The following PFKFB3 variants were observed in gnomAD, a reference collection of about 807,000 sequenced individuals.
PFKFB3 encodes 6-phosphofructo-2-kinase/fructose-2,6-bisphosphatase 3.
In PFKFB3, 33 loss-of-function variants were observed where a neutral mutation model predicts 68.0. That is an observed-to-expected ratio of 0.49 (90% CI 0.37 to 0.65). The LOEUF (loss-of-function observed/expected upper bound fraction) is 0.65. Ranked by LOEUF, PFKFB3 falls within the 30% of genes least tolerant of loss-of-function variation. PFKFB3 has a pLI of 0.00. For missense variants in PFKFB3, 586 were observed against 712.2 expected (o/e 0.82, Z 2.02); for synonymous variants, 315 against 288.2 (o/e 1.09, Z -0.94).
intron 1 of PFKFB3, among the ~76,000 whole-genome samples, chr10:6,162,382 C>A (rs1408710857): frequency 6.6e-6 from 1 of 152,162 alleles, no homozygotes; most frequent in Non-Finnish European, 1.5e-5. Context: ...GCTTTCAATT[C>A]TTTGGGGTGT....
the PFKFB3 span, among the ~76,000 whole-genome samples, chr10:6,290,417 G>A: frequency 1.3e-4 from 19 of 151,450 alleles, no homozygotes; most frequent in South Asian, 6.2e-4. Context: ...AGCATGAAGC[G>A]TTGTTGAATT....
the PFKFB3 span, among the ~76,000 whole-genome samples, chr10:6,289,168 C>G: frequency 0.59 from 68,353 of 115,412 alleles, 21,926 homozygotes; most frequent in East Asian, 0.73. Flanking sequence ...TGTTCACTCT[C>G]ATGGTAGTTT....
rs74115593 is a variant in PFKFB3, at chr10:6,223,585, G to A, written c.1214-373G>A. Among the ~76,000 whole-genome samples the A allele has an allele frequency of 6.3e-3, 956 of 152,252 alleles. 8 individuals carry two copies. Among genetic ancestry groups the A allele is most frequent in the African/African-American group, 0.022 (919 of 41,558 alleles). ...GGCTTCCGAGGGTCCTTGTTGGGGG[G>A]ACCGTAAAGGTCTTTCCATGCCTCC... is the stretch of plus-strand genomic sequence containing the variant. On this transcript the variant is annotated intron_variant, in intron 11 of 14. Transcript: ENST00000379775.
At position 6,221,363 on chromosome 10, in the gene PFKFB3, C is replaced by T. The variant is rs1203044451; in HGVS notation, c.832-18C>T. On this transcript the variant is annotated intron_variant, in intron 8 of 14. Transcript: ENST00000379775. ...TGCGGGCATCTGGAATCAGTGGTCC[C>T]CCTCCACCACCTCTCAGTTTGCCAG... is the stretch of plus-strand genomic sequence containing the variant. The T allele has an allele frequency of 2.5e-6, 4 of 1,613,184 alleles. No homozygotes were observed. The highest frequency in any genetic ancestry group is 2.5e-6 in the Non-Finnish European group (3 of 1,179,712).
At chr10:6,258,445 C>A (rs1846511069), downstream of PFKFB3, among the ~76,000 whole-genome samples, 1 of 152,198 alleles carries the variant, frequency 6.6e-6, no homozygotes. Context: ...TGTTTCTGGG[C>A]CTGAGGACCA....
downstream of PFKFB3, among the ~76,000 whole-genome samples, chr10:6,236,436 C>A (rs1414623545): frequency 6.6e-6 from 1 of 152,128 alleles, no homozygotes; most frequent in Non-Finnish European, 1.5e-5. Context: ...ATTTTTTTTC[C>A]GGAGCCCCCC....
the PFKFB3 span, among the ~76,000 whole-genome samples, chr10:6,286,927 G>A: frequency 6.6e-6 from 1 of 152,046 alleles, no homozygotes; most frequent in Non-Finnish European, 1.5e-5. Flanking sequence ...GGTTGCCCTA[G>A]AATTTGCAAT....
intron 1 of PFKFB3, among the ~76,000 whole-genome samples, chr10:6,150,892 C>T (rs1037080201): frequency 3.3e-5 from 5 of 151,882 alleles, no homozygotes; most frequent in African/African-American, 9.7e-5. Flanking sequence ...TCAGCTATTC[C>T]GGAGGCTGAG....
chr10:6,233,090 T>C lies in PFKFB3; in HGVS notation c.*148T>C. ...AGCCTTGGCCGAAGAGAACCATGCT[T>C]GGCACCGTCTGTGTCCCCTCGGCCG... On this transcript the variant is annotated 3_prime_UTR_variant, in exon 15 of 15. Transcript: ENST00000379775. The C allele has an allele frequency of 1.5e-6, 1 of 680,674 alleles. No homozygotes were observed. Among genetic ancestry groups the C allele is most frequent in the Non-Finnish European group, 2.6e-6 (1 of 381,940 alleles). The allele number at this position is 680,674 out of a possible 1,614,324, so 42.2% of individuals were successfully genotyped here. A position where few individuals can be genotyped will look rare whatever the true frequency, so the allele number is the denominator to read the frequency against.
At chr10:6,177,468 C>CTTTCTTTCT (rs777831874) in intron 1 of PFKFB3, among the ~76,000 whole-genome samples, 1 of 120,672 alleles carries the variant, frequency 8.3e-6, no homozygotes, top group Non-Finnish European at 1.8e-5. Flanking sequence ...TTCTTTCTTT[C>CTTTCTTTCT]TTTCTTTCTT....
intron 1 of PFKFB3, chr10:6,149,770 G>A (rs11256994): frequency 0.1 from 16,268 of 156,104 alleles, 1,000 homozygotes; most frequent in East Asian, 0.24. Context: ...GGTCCAAGAG[G>A]ATGACCATCC....
At chr10:6,222,242 C>A (rs564297776) in intron 10 of PFKFB3, among the ~76,000 whole-genome samples, 1 of 152,344 alleles carries the variant, frequency 6.6e-6, no homozygotes, top group South Asian at 2.1e-4. Flanking sequence ...GCCTTACACA[C>A]CGGGGCCCTG....
the PFKFB3 span, among the ~76,000 whole-genome samples, chr10:6,300,855 G>C: frequency 6.6e-6 from 1 of 152,220 alleles, no homozygotes; most frequent in African/African-American, 2.4e-5. Context: ...GTAGGTACTA[G>C]AGAGAAGCTA....
intron 13 of PFKFB3, chr10:6,225,270 G>C (rs954623535): frequency 4.4e-6 from 2 of 451,200 alleles, no homozygotes; most frequent in African/African-American, 4.0e-5. Flanking sequence ...GTCCCAGGAA[G>C]CTTGGCCTTC....
At chr10:6,198,446 T>A (rs1345164371), upstream of PFKFB3, among the ~76,000 whole-genome samples, 2 of 152,072 alleles carry the variant, frequency 1.3e-5, no homozygotes, top group Non-Finnish European at 2.9e-5. Context: ...AGACACTAAG[T>A]CCACTAGATT....
chr10:6,238,077 G>A (rs943564699), downstream of PFKFB3, among the ~76,000 whole-genome samples: 8 of 151,958 alleles, frequency 5.3e-5, no homozygotes, highest in South Asian at 2.1e-4. Flanking sequence ...CACCCGAATC[G>A]CCTCAAAATA....
At chr10:6,230,719 C>CT (rs758707598) in intron 14 of PFKFB3, among the ~76,000 whole-genome samples, 244 of 143,030 alleles carry the variant, frequency 1.7e-3, no homozygotes, top group Middle Eastern at 7.1e-3. Flanking sequence ...GGCCTGAAGT[C>CT]TTTTTTTTTT....
chr10:6,192,664 CGTGT>C (rs34129264), intron 1 of PFKFB3, among the ~76,000 whole-genome samples: 9,923 of 128,668 alleles, frequency 0.077, 334 homozygotes, highest in East Asian at 0.14. Context: ...TCCCCTCACC[CGTGT>C]GTGTGTGTGT....
intron 1 of PFKFB3, among the ~76,000 whole-genome samples, chr10:6,177,389 T>TTTCTTTCTTTCTTTC (rs1554842895): frequency 0.029 from 3,547 of 122,928 alleles, 147 homozygotes; most frequent in Non-Finnish European, 0.04. Flanking sequence ...TCTTTCTTTC[T>TTTCTTTCTTTCTTTC]TTCTTTCTTT....
Sources: gnomAD v4.1 joint callset for allele counts (sites outside exome capture counted in the v4.1 genomes callset) on GRCh38, gnomAD v4.1.1 for gene constraint, MANE v1.5 for transcripts, NCBI Gene and HGNC (gene_info 2026-07-23, HGNC 2026-07-21) for gene names.